The following PDCD1LG2 variants were observed in gnomAD, a reference collection of about 807,000 sequenced individuals.
PDCD1LG2 encodes B7 dendritic cell molecule.
A neutral mutation model predicts 28.2 loss-of-function variants in PDCD1LG2; 32 were observed. The ratio of observed to expected loss-of-function variants is 1.13; its 90% confidence interval spans 0.86 to 1.52. The LOEUF (loss-of-function observed/expected upper bound fraction) is 1.52, where lower values mean the gene tolerates loss of function less well. PDCD1LG2 is among the 40% of genes most tolerant of loss of function. The pLI, the probability that PDCD1LG2 is intolerant of heterozygous loss-of-function variation, is 0.00. For synonymous variants in PDCD1LG2, 116 were observed against 120.2 expected (o/e 0.97, Z 0.23); for missense variants, 385 against 323.8 (o/e 1.19, Z -1.45).
At position 5,547,920 on chromosome 9, in the gene PDCD1LG2, G is replaced by C. The variant is rs560992138; in HGVS notation, c.362-1415G>C. 1.0e-3 allele frequency among the ~76,000 whole-genome samples: 146 copies of C among 139,226 alleles called. 1 individual carries two copies. The highest frequency in any genetic ancestry group is 3.9e-3 in the African/African-American group (142 of 36,558). 91.3% of individuals were successfully genotyped at this position (139,226 alleles called of 152,430 possible). ...GCTGTTGCACTCCAGCCTGGGTGAC[G>C]AGCGAAACTCTGTCTCAAAAAAAAA... On this transcript the variant is annotated intron_variant, in intron 3 of 6. Coordinates refer to ENST00000397747, the MANE Select transcript of PDCD1LG2 (RefSeq NM_025239.4).
intron 2 of PDCD1LG2, among the ~76,000 whole-genome samples, chr9:5,523,785 A>G (rs1205094913): frequency 6.6e-6 from 1 of 152,218 alleles, no homozygotes; most frequent in East Asian, 1.9e-4. Context: ...ATCCTGTGGC[A>G]GGACTGGGGG....
chr9:5,524,466 C>T (rs947346002), intron 2 of PDCD1LG2, among the ~76,000 whole-genome samples: 8 of 152,294 alleles, frequency 5.3e-5, no homozygotes, highest in African/African-American at 4.8e-5. Flanking sequence ...ATTTTCTTCA[C>T]GAATTTGGAA....
intron 1 of PDCD1LG2, among the ~76,000 whole-genome samples, chr9:5,511,849 T>C (rs1020329827): frequency 6.6e-6 from 1 of 152,226 alleles, no homozygotes; most frequent in Non-Finnish European, 1.5e-5. Context: ...AGCTTTTCCA[T>C]TGAACTGGAG....
chr9:5,563,331 A>G (rs1308373434), intron 6 of PDCD1LG2, 120 bp downstream of exon 6: 1 of 858,498 alleles, frequency 1.2e-6, no homozygotes, highest in African/African-American at 1.7e-5. Context: ...AGCTTATAGA[A>G]TCTTCCTGTT....
At chr9:5,533,675 A>G (rs896273590) in intron 2 of PDCD1LG2, among the ~76,000 whole-genome samples, 2 of 152,112 alleles carry the variant, frequency 1.3e-5, no homozygotes, top group Admixed American at 1.3e-4. Context: ...CTCATCTAAA[A>G]TCATCTTACA....
chr9:5,542,676 AT>A (rs1404311875), intron 3 of PDCD1LG2, among the ~76,000 whole-genome samples: 3 of 152,110 alleles, frequency 2.0e-5, no homozygotes, highest in Admixed American at 1.3e-4. Flanking sequence ...TAACAAAAAA[AT>A]AATAGATGTT....
At chr9:5,538,413 C>T (rs1206939222) in intron 3 of PDCD1LG2, among the ~76,000 whole-genome samples, 1 of 152,012 alleles carries the variant, frequency 6.6e-6, no homozygotes, top group Non-Finnish European at 1.5e-5. Context: ...AGGCCGGGCG[C>T]GGTGGCTCAC....
chr9:5,563,383 A>G (rs1279811860), intron 6 of PDCD1LG2, among the ~76,000 whole-genome samples, 172 bp downstream of exon 6: 3 of 152,232 alleles, frequency 2.0e-5, no homozygotes, highest in Non-Finnish European at 4.4e-5. Flanking sequence ...CCCCAGAACA[A>G]TCATGCCATC....
intron 3 of PDCD1LG2, among the ~76,000 whole-genome samples, chr9:5,547,187 T>C (rs1816227173): frequency 6.6e-6 from 1 of 152,372 alleles, no homozygotes; most frequent in East Asian, 1.9e-4. Flanking sequence ...TTACCATTAT[T>C]TTAATGTGAA....
chr9:5,540,594 C>T (rs957192883), intron 3 of PDCD1LG2, among the ~76,000 whole-genome samples: 13 of 152,014 alleles, frequency 8.6e-5, no homozygotes, highest in South Asian at 2.1e-4. Context: ...CACCTTTACA[C>T]GTACAAACTA....
chr9:5,553,721 G>A (rs1218359916), intron 4 of PDCD1LG2, among the ~76,000 whole-genome samples: 1 of 152,212 alleles, frequency 6.6e-6, no homozygotes, highest in Non-Finnish European at 1.5e-5. Context: ...GGAGAGACCT[G>A]TGGGGTCTTC....
At chr9:5,558,493 G>A (rs555314594) in intron 5 of PDCD1LG2, among the ~76,000 whole-genome samples, 2 of 152,300 alleles carry the variant, frequency 1.3e-5, no homozygotes, top group South Asian at 4.1e-4. Context: ...TTCCTAAACG[G>A]CTCCCTTGTC....
chr9:5,522,376 G>A (rs549330331), intron 1 of PDCD1LG2, among the ~76,000 whole-genome samples, 157 bp from the exon 2 acceptor site: 1 of 152,214 alleles, frequency 6.6e-6, no homozygotes, highest in East Asian at 1.9e-4. Context: ...CTCTTCTCCA[G>A]GAAATCAACC....
At chr9:5,544,897 GATA>G (rs780567073) in intron 3 of PDCD1LG2, among the ~76,000 whole-genome samples, 1 of 152,204 alleles carries the variant, frequency 6.6e-6, no homozygotes, top group Non-Finnish European at 1.5e-5. Context: ...GTGCTGCTTA[GATA>G]ATATCTAGAA....
chr9:5,538,667 G>A (rs59001895), intron 3 of PDCD1LG2, among the ~76,000 whole-genome samples: 22,226 of 150,108 alleles, frequency 0.15, 2,102 homozygotes, highest in African/African-American at 0.26. Context: ...CAGCCTGGGC[G>A]ACAGAGCGAG....
intron 1 of PDCD1LG2, among the ~76,000 whole-genome samples, chr9:5,519,889 T>A (rs1820241730): frequency 6.6e-6 from 1 of 152,222 alleles, no homozygotes; most frequent in African/African-American, 2.4e-5. Flanking sequence ...AAACTATATA[T>A]CTAGCCTGTC....
chr9:5,534,380 G>A (rs1008279123), intron 2 of PDCD1LG2, among the ~76,000 whole-genome samples: 1 of 152,208 alleles, frequency 6.6e-6, no homozygotes, highest in Non-Finnish European at 1.5e-5. Flanking sequence ...GTTCTTATAT[G>A]ACAGATGACC....
At chr9:5,545,734 T>C (rs1014946974) in intron 3 of PDCD1LG2, among the ~76,000 whole-genome samples, 2 of 152,002 alleles carry the variant, frequency 1.3e-5, no homozygotes, top group South Asian at 2.1e-4. Context: ...ATTAAGAAAA[T>C]AGAAAATCTG....
intron 6 of PDCD1LG2, among the ~76,000 whole-genome samples, chr9:5,565,462 G>A (rs1816647703): frequency 6.6e-6 from 1 of 152,174 alleles, no homozygotes; most frequent in Non-Finnish European, 1.5e-5. Flanking sequence ...GGGATTCCAG[G>A]CGTAAGCCAC....
Sources: gnomAD v4.1 joint callset for allele counts (sites outside exome capture counted in the v4.1 genomes callset) on GRCh38, gnomAD v4.1.1 for gene constraint, MANE v1.5 for transcripts, NCBI Gene and HGNC (gene_info 2026-07-23, HGNC 2026-07-21) for gene names.